TJP1: variants seen among roughly 807,000 people sequenced by gnomAD.
TJP1 encodes the protein tight junction protein ZO-1.
Under a neutral mutation model 194.2 loss-of-function variants are expected in TJP1, and 43 were observed. The ratio of observed to expected loss-of-function variants is 0.22; its 90% CI spans 0.17 to 0.29. TJP1 has a LOEUF of 0.29. TJP1 is among the 10% of genes least tolerant of loss of function. TJP1 has a pLI of 1.00. For missense variants in TJP1, 1,971 were observed against 2,185.7 expected, an observed-to-expected ratio of 0.90 and a Z score of 1.96; for synonymous variants, 801 against 779.0, an observed-to-expected ratio of 1.03 and a Z score of -0.47.
At chr15:29,786,510 G>GT (rs2047710718) in intron 2 of TJP1, among the ~76,000 whole-genome samples, 1 of 152,066 alleles carries the variant, frequency 6.6e-6, no homozygotes, top group South Asian at 2.1e-4. Context: ...TAAACTTTTT[G>GT]TTTTTTAGAG....
At chr15:29,844,164 G>A (rs1000573851) in intron 2 of TJP1, among the ~76,000 whole-genome samples, 3 of 152,142 alleles carry the variant, frequency 2.0e-5, no homozygotes, top group Non-Finnish European at 2.9e-5. Context: ...TCCTCATCTC[G>A]GGTTGAAGCG....
intron 4 of TJP1, among the ~76,000 whole-genome samples, chr15:29,771,161 A>G (rs1043272345): frequency 3.3e-5 from 5 of 152,196 alleles, no homozygotes; most frequent in African/African-American, 1.2e-4. Context: ...GAACAGTAAC[A>G]TAATATATCT....
intron 2 of TJP1, among the ~76,000 whole-genome samples, chr15:29,916,971 C>G (rs1004077998): frequency 2.0e-5 from 3 of 152,170 alleles, no homozygotes; most frequent in Non-Finnish European, 4.4e-5. Flanking sequence ...CAGAACCCCC[C>G]CTCCACCACC....
At chr15:29,772,914 G>A (rs2046785369) in intron 3 of TJP1, among the ~76,000 whole-genome samples, 1 of 152,070 alleles carries the variant, frequency 6.6e-6, no homozygotes, top group Non-Finnish European at 1.5e-5. Context: ...GCAGGCACAA[G>A]CCACCATGCC....
intron 10 of TJP1, among the ~76,000 whole-genome samples, chr15:29,737,898 G>C (rs1374023172): frequency 6.6e-6 from 1 of 152,162 alleles, no homozygotes; most frequent in Non-Finnish European, 1.5e-5. Flanking sequence ...ATGTAACAGA[G>C]AGTGATTTTT....
intron 6 of TJP1, 52 bp downstream of exon 6, chr15:29,762,283 C>T: frequency 6.8e-7 from 1 of 1,477,082 alleles, no homozygotes; most frequent in Non-Finnish European, 9.3e-7. Flanking sequence ...CATGGTAACT[C>T]TAGAACTTGT....
Position 29,705,687 on chromosome 15 carries a change from G to C in TJP1, c.4909C>G (p.Arg1637Gly), listed in dbSNP as rs1463565923. 4 of 1,613,916 alleles carry C rather than the reference G, an allele frequency of 2.5e-6. No individual in the cohort carries two copies. The highest frequency in any genetic ancestry group is 3.3e-5 in the Admixed American group (2 of 59,992). Residue 1637 changes from arginine (R) to glycine (G), a missense_variant, in exon 26 of 28, where the codon CGA becomes GGA. Physicochemically the swap from Arg to Gly is moderately radical, Grantham distance 125. This residue lies in a region of TJP1 where 1,108 missense variants were observed against 1,128.5 expected (regional missense o/e 0.98). Coordinates refer to ENST00000614355, the MANE Select transcript of TJP1 (RefSeq NM_001330239.4). ...EDGHTVVATA[R>G]GIFNSNGGVL... Reference sequence around the variant, plus strand: ...CCCCCATTGCTGTTAAATATGCCTCGGGCTGTGGCCACCACAGTATGACCA... The same window carrying C: ...CCCCCATTGCTGTTAAATATGCCTCCGGCTGTGGCCACCACAGTATGACCA...
rs1161062938 is a variant in TJP1 at position 29,734,320 on chromosome 15, G to A, written c.1470C>T (p.Leu490=). The A allele has an allele frequency of 1.2e-6, 2 of 1,613,334 alleles. No homozygotes were observed. The highest frequency in any genetic ancestry group is 1.7e-5 in the Admixed American group (1 of 59,924). ...REEAVLFLLD[L]PKGEEVTILA... is the part of the protein sequence containing the mutation. ...ATATGGTCACTTCTTCTCCTTTAGGGAGGTCAAGCAGGAAAAGGACGGCTT... is the reference window on the plus strand; with the variant it reads ...ATATGGTCACTTCTTCTCCTTTAGGAAGGTCAAGCAGGAAAAGGACGGCTT... Residue 490 remains leucine (L), a synonymous_variant, in exon 12 of 28, where the codon CTC becomes CTT. Coordinates refer to ENST00000614355, the MANE Select transcript of TJP1 (RefSeq NM_001330239.4).
intron 2 of TJP1, among the ~76,000 whole-genome samples, chr15:29,949,403 A>G (rs2055460137): frequency 7.5e-6 from 1 of 133,006 alleles, no homozygotes; most frequent in Non-Finnish European, 1.6e-5. Context: ...CACCACCTCC[A>G]CAACCACCAC....
chr15:29,761,619 T>G lies in TJP1; in HGVS notation c.844A>C (p.Asn282His), dbSNP rs528917489. Reference sequence around the variant, plus strand: ...CACTCACCGTCTCTCTCAGAGGCATTAGCAGAGTGGATGCTGTCAGAAAGA... The same window carrying G: ...CACTCACCGTCTCTCTCAGAGGCATGAGCAGAGTGGATGCTGTCAGAAAGA... Reference protein sequence around the residue: ...PDLSDSIHSANASERDDISEI... With the variant: ...PDLSDSIHSAHASERDDISEI... The change falls in exon 7 of 28, where the codon AAT becomes CAT. Residue 282 changes from asparagine to histidine, a missense_variant. Asn to His is a moderately conservative substitution (Grantham distance 68). Around this residue, in one of 5 missense-constraint regions of TJP1, gnomAD observed 192 missense variants for 182.3 expected, o/e 1.05. Transcript: ENST00000614355. The G allele has an allele frequency of 8.0e-5, 128 of 1,604,362 alleles. No individual in the cohort carries two copies. In the South Asian group the frequency reaches 1.3e-3, roughly 17 times the overall value.
chr15:29,720,062 G>A, intron 19 of TJP1, 46 bp from the exon 20 acceptor site: 1 of 1,539,288 alleles, frequency 6.5e-7, no homozygotes, highest in Non-Finnish European at 8.7e-7. Flanking sequence ...TCTGTTTACT[G>A]CTAACTTTCC....
At chr15:29,953,509 C>A (rs902449303) in intron 2 of TJP1, among the ~76,000 whole-genome samples, 1 of 151,728 alleles carries the variant, frequency 6.6e-6, no homozygotes, top group Non-Finnish European at 1.5e-5. Context: ...ATGCTATATG[C>A]CCCTACATAT....
chr15:29,883,271 G>A (rs147407346), intron 2 of TJP1, among the ~76,000 whole-genome samples: 308 of 140,416 alleles, frequency 2.2e-3, no homozygotes, highest in African/African-American at 7.4e-3. Flanking sequence ...CGCTGGGTCC[G>A]TTTCCTGCAG....
At chr15:29,943,344 A>C (rs2152287258) in intron 2 of TJP1, among the ~76,000 whole-genome samples, 1 of 152,306 alleles carries the variant, frequency 6.6e-6, no homozygotes, top group Admixed American at 6.5e-5. Context: ...TTTATTAAAA[A>C]CACAGCCAGG....
Position 29,718,204 on chromosome 15 carries a change from G to A in TJP1, c.3876+62C>T, listed in dbSNP as rs1043936373. ...ATAGATATCATGTAATGGCGGAGGGGAGAGCCAAGAAGCCTTTTAAACGGT... is the reference window on the plus strand; with the variant it reads ...ATAGATATCATGTAATGGCGGAGGGAAGAGCCAAGAAGCCTTTTAAACGGT... On this transcript the variant is annotated intron_variant, in intron 21 of 27. Transcript: ENST00000614355. The A allele has an allele frequency of 5.6e-6, 9 of 1,593,106 alleles. No individual in the cohort carries two copies. In the South Asian group the frequency reaches 9.2e-5, roughly 16 times the overall value.
chr15:29,730,294 A>G (rs960410623), intron 15 of TJP1, among the ~76,000 whole-genome samples: 2 of 152,116 alleles, frequency 1.3e-5, no homozygotes, highest in Non-Finnish European at 2.9e-5. Flanking sequence ...TTTAAAAATA[A>G]AACAAAACTG....
In TJP1 at chr15:29,701,442, G is replaced by A; in HGVS notation, c.*153C>T. On this transcript the variant is annotated 3_prime_UTR_variant, in exon 28 of 28. Coordinates refer to ENST00000614355, the MANE Select transcript of TJP1 (RefSeq NM_001330239.4). The stretch of plus-strand genomic sequence containing the variant: ...CATGTTTTCCGACCATGGTTCAGGG[G>A]CATGCTCACTCATCTTTATCAGTTC... The A allele has an allele frequency of 1.7e-6, 1 of 600,544 alleles. No individual in the cohort carries two copies. The highest frequency in any genetic ancestry group is 2.3e-5 in the South Asian group (1 of 43,424). 37.2% of individuals were successfully genotyped at this position (600,544 alleles called of 1,614,324 possible).
Position 29,956,383 on chromosome 15 carries a change from T to C in TJP1, c.174-19A>G, listed in dbSNP as rs72721174. The C allele has an allele frequency of 9.2e-3, 11,826 of 1,282,484 alleles. 69 individuals are homozygous for C. The highest frequency in any genetic ancestry group is 0.011 in the Non-Finnish European group (10,879 of 986,004). 79.4% of individuals were successfully genotyped at this position (1,282,484 alleles called of 1,614,324 possible). On this transcript the variant is annotated intron_variant, in intron 1 of 28. Transcript: ENST00000356107. ...CGTTACCCTGCAAGAAAGAAAAAAA[T>C]TCTTAAAAAGGCAGGTTTACAGGTG...
rs1464657505 is a variant in TJP1 at position 29,710,573 on chromosome 15, C to T, written c.4372+258G>A. Among the ~76,000 whole-genome samples, 8 of 152,260 alleles carry T rather than the reference C, an allele frequency of 5.3e-5. No homozygotes were observed. In the East Asian group the frequency reaches 1.5e-3, roughly 29 times the overall value. On this transcript the variant is annotated intron_variant, in intron 24 of 27. Transcript: ENST00000614355. Reference sequence around the variant, plus strand: ...GTTTTACAAACCATCTTTACATATACTGGCAAACACTACTTCCAGAAGATT... The same window carrying T: ...GTTTTACAAACCATCTTTACATATATTGGCAAACACTACTTCCAGAAGATT...
Sources: allele counts gnomAD v4.1 joint callset (sites outside exome capture counted in the v4.1 genomes callset), GRCh38; gene constraint gnomAD v4.1.1; regional missense constraint gnomAD v4.1.1; transcripts MANE v1.5; gene names NCBI Gene and HGNC (gene_info 2026-07-23, HGNC 2026-07-21).